The following CNTNAP5 variants were observed in gnomAD, a reference collection of about 807,000 sequenced individuals.
CNTNAP5 encodes the protein contactin-associated protein-like 5.
Under a neutral mutation model 150.2 loss-of-function variants are expected in CNTNAP5, and 72 were observed. The observed-to-expected ratio is 0.48, with a 90% CI of 0.40 to 0.58. The LOEUF is 0.58. Ranked by LOEUF, CNTNAP5 falls within the 20% of genes least tolerant of loss-of-function variation. CNTNAP5 has a pLI of 0.00. For synonymous variants in CNTNAP5, 672 were observed against 619.8 expected, an observed-to-expected ratio of 1.08 and a Z score of -1.25; for missense variants, 1,636 against 1,626.2, an observed-to-expected ratio of 1.01 and a Z score of -0.10.
At chr2:124,567,842 T>TAGAC in intron 11 of CNTNAP5, among the ~76,000 whole-genome samples, 1 of 105,498 alleles carries the variant, frequency 9.5e-6, no homozygotes, top group South Asian at 3.4e-4. Flanking sequence ...AGATGATAGA[T>TAGAC]AGATAGATAG....
chr2:124,747,788 CTTTTTTTTTTTTTTT>C (rs34959025), intron 14 of CNTNAP5, among the ~76,000 whole-genome samples: 2 of 42,438 alleles, frequency 4.7e-5, no homozygotes, highest in South Asian at 9.4e-4. Context: ...CCTAACTCTT[CTTTTTTTTTTTTTTT>C]TTTTTTTTTT....
intron 10 of CNTNAP5, 114 bp downstream of exon 10, chr2:124,527,570 A>C (rs1180535659): frequency 5.2e-6 from 4 of 769,350 alleles, no homozygotes; most frequent in Non-Finnish European, 7.8e-6. Flanking sequence ...CATTAGACAT[A>C]ATTGAGTTGC....
chr2:124,543,583 G>A (rs568983920), intron 10 of CNTNAP5, among the ~76,000 whole-genome samples: 2 of 152,290 alleles, frequency 1.3e-5, no homozygotes, highest in South Asian at 2.1e-4. Context: ...ATCTGAAAGT[G>A]AAGTTATTGA....
intron 1 of CNTNAP5, among the ~76,000 whole-genome samples, chr2:124,211,896 GT>G (rs776390773): frequency 2.0e-5 from 3 of 152,296 alleles, no homozygotes; most frequent in Non-Finnish European, 2.9e-5. Flanking sequence ...TAAGATCATG[GT>G]TTCCTGAGAA....
chr2:124,499,436 C>T (rs1022748900), intron 7 of CNTNAP5, among the ~76,000 whole-genome samples: 1 of 152,158 alleles, frequency 6.6e-6, no homozygotes, highest in African/African-American at 2.4e-5. Flanking sequence ...CTTGCTGGGC[C>T]CTGCAGGGCA....
At chr2:124,298,321 C>G (rs1688491110) in intron 3 of CNTNAP5, among the ~76,000 whole-genome samples, 1 of 151,930 alleles carries the variant, frequency 6.6e-6, no homozygotes, top group East Asian at 1.9e-4. Flanking sequence ...TTTCATGGCC[C>G]AAAAATGAGA....
At chr2:124,093,655 A>G (rs948877807) in intron 1 of CNTNAP5, among the ~76,000 whole-genome samples, 3 of 152,238 alleles carry the variant, frequency 2.0e-5, no homozygotes, top group African/African-American at 7.2e-5. Flanking sequence ...ACAAAGCCAC[A>G]GCTGATATTT....
chr2:124,402,519 G>A (rs1431358234), intron 3 of CNTNAP5, among the ~76,000 whole-genome samples: 1 of 152,176 alleles, frequency 6.6e-6, no homozygotes, highest in Non-Finnish European at 1.5e-5. Context: ...AGACTGGAAT[G>A]CCAGCTTTTC....
chr2:124,731,542 G>C (rs1448103724), intron 13 of CNTNAP5, among the ~76,000 whole-genome samples: 1 of 151,620 alleles, frequency 6.6e-6, no homozygotes, highest in Non-Finnish European at 1.5e-5. Context: ...AAAATAATTT[G>C]GGGAGAGGAG....
chr2:124,034,938 A>G (rs1213973), intron 1 of CNTNAP5, among the ~76,000 whole-genome samples: 15,274 of 151,666 alleles, frequency 0.1, 1,012 homozygotes, highest in Non-Finnish European at 0.15. Context: ...TTTTGGGTTA[A>G]AAATCAGGTA....
At position 124,707,018 on chromosome 2, in the gene CNTNAP5, GAGAAGAAGA is replaced by G. The variant is rs200269843; in HGVS notation, c.2078-40196_2078-40188del. 9.4e-5 allele frequency among the ~76,000 whole-genome samples: 7 copies of G among 74,216 alleles called. 2 individuals carry two copies. The highest frequency in any genetic ancestry group is 1.3e-4 in the Non-Finnish European group (5 of 37,270). 48.7% of individuals were successfully genotyped at this position (74,216 alleles called of 152,430 possible). On this transcript the variant is annotated intron_variant, in intron 13 of 23. Transcript: ENST00000682447. ...GAAGAGGAAGAAGAAGGAGGAGGAGGAGAAGAAGAAGAAGAAGAAGAAGGAGGAGGAGGA... is the reference window on the plus strand; with the variant it reads ...GAAGAGGAAGAAGAAGGAGGAGGAGGAGAAGAAGAAGAAGGAGGAGGAGGA...
intron 13 of CNTNAP5, among the ~76,000 whole-genome samples, chr2:124,703,184 C>CTCCTTCTTTCCTTCCTTCCT (rs1294887724): frequency 3.8e-4 from 54 of 141,542 alleles, no homozygotes; most frequent in African/African-American, 1.4e-3. Context: ...TCTTCCTCCT[C>CTCCTTCTTTCCTTCCTTCCT]TCCTTCTTTC....
intron 13 of CNTNAP5, among the ~76,000 whole-genome samples, chr2:124,731,216 C>A (rs2105127237): frequency 6.6e-6 from 1 of 152,190 alleles, no homozygotes; most frequent in East Asian, 1.9e-4. Context: ...TTGTGAAAAG[C>A]AAACTCATTT....
rs527615639 is a variant in CNTNAP5 at position 124,581,791 on chromosome 2, G to A, written c.1756+18468G>A. Among the ~76,000 whole-genome samples, 6 of 152,260 alleles carry A rather than the reference G, an allele frequency of 3.9e-5. No individual in the cohort carries two copies. The South Asian group carries it at 1.0e-3, about 26-fold the overall frequency. The stretch of plus-strand genomic sequence containing the variant: ...CCCGTTGAGATCCCAGCCTGCTGAG[G>A]AAAGAAATCCTATTGTATATGCACA... On this transcript the variant is annotated intron_variant, in intron 11 of 23. Coordinates refer to ENST00000682447, the MANE Select transcript of CNTNAP5 (RefSeq NM_001367498.1).
intron 19 of CNTNAP5, among the ~76,000 whole-genome samples, chr2:124,860,205 C>A (rs1677483601): frequency 6.6e-6 from 1 of 151,822 alleles, no homozygotes; most frequent in Admixed American, 6.6e-5. Context: ...AAAAAAATAG[C>A]CGTGCATGGT....
chr2:124,763,138 C>G (rs569997892), intron 14 of CNTNAP5, among the ~76,000 whole-genome samples: 1 of 151,768 alleles, frequency 6.6e-6, no homozygotes, highest in African/African-American at 2.4e-5. Flanking sequence ...CACTAGCTAC[C>G]GAGATCTTTA....
chr2:124,497,204 T>C (rs1694170534), intron 7 of CNTNAP5, among the ~76,000 whole-genome samples: 1 of 152,192 alleles, frequency 6.6e-6, no homozygotes, highest in Admixed American at 6.5e-5. Context: ...CTAAATGGCT[T>C]GAGTCACTAA....
At chr2:124,565,938 T>C (rs1036270108) in intron 11 of CNTNAP5, among the ~76,000 whole-genome samples, 4 of 138,454 alleles carry the variant, frequency 2.9e-5, no homozygotes, top group African/African-American at 1.1e-4. Context: ...TAAGATTTTA[T>C]CAATTGAGGG....
chr2:124,435,410 T>C (rs1692505033), intron 5 of CNTNAP5, among the ~76,000 whole-genome samples: 1 of 151,828 alleles, frequency 6.6e-6, no homozygotes, highest in African/African-American at 2.4e-5. Flanking sequence ...AAGGCACTTC[T>C]GAAGGAAGGG....
Sources: gnomAD v4.1 joint callset for allele counts (sites outside exome capture counted in the v4.1 genomes callset) on GRCh38, gnomAD v4.1.1 for gene constraint, MANE v1.5 for transcripts, NCBI Gene and HGNC (gene_info 2026-07-23, HGNC 2026-07-21) for gene names.